Variants in SIAH1 observed in about 807,000 individuals in gnomAD.
SIAH1 encodes the protein E3 ubiquitin-protein ligase SIAH1.
SIAH1 carries 2 observed loss-of-function variants against 20.0 expected under a neutral mutation model. The observed-to-expected ratio is 0.10, with a 90% CI of 0.04 to 0.31. The LOEUF is 0.31. SIAH1 is among the 10% of genes least tolerant of loss of function. The pLI is 1.00. For missense variants in SIAH1, 119 were observed against 355.3 expected, an observed-to-expected ratio of 0.33 and a Z score of 5.35; for synonymous variants, 118 against 125.3, an observed-to-expected ratio of 0.94 and a Z score of 0.39.
intron 1 of SIAH1, among the ~76,000 whole-genome samples, chr16:48,368,707 C>A (rs1292042277): frequency 6.6e-6 from 1 of 151,940 alleles, no homozygotes; most frequent in Non-Finnish European, 1.5e-5. Context: ...CCACTGCATG[C>A]ACTCCAGCCT....
chr16:48,382,345 C>T (rs1323360545), intron 1 of SIAH1, among the ~76,000 whole-genome samples: 1 of 152,040 alleles, frequency 6.6e-6, no homozygotes, highest in Non-Finnish European at 1.5e-5. Context: ...GACATCACCA[C>T]TGCACTCCAG....
intron 1 of SIAH1, among the ~76,000 whole-genome samples, chr16:48,374,576 G>A (rs1381803897): frequency 6.6e-6 from 1 of 152,112 alleles, no homozygotes; most frequent in Non-Finnish European, 1.5e-5. Context: ...CTGCATCTAG[G>A]AGAAAGGTAA....
upstream of SIAH1, among the ~76,000 whole-genome samples, chr16:48,385,783 A>G (rs1961449270): frequency 1.3e-5 from 2 of 151,196 alleles, no homozygotes; most frequent in African/African-American, 4.9e-5. Flanking sequence ...GCCCAGCGGG[A>G]TGCGAGCCCC....
intron 1 of SIAH1, chr16:48,365,713 G>A: frequency 2.8e-6 from 4 of 1,424,434 alleles, no homozygotes; most frequent in South Asian, 1.6e-5. Flanking sequence ...AAAAATGGGA[G>A]CCACAGCTGC....
chr16:48,361,563 A>C lies in SIAH1; in HGVS notation c.*17T>G. On this transcript the variant is annotated 3_prime_UTR_variant, in exon 2 of 2. Coordinates refer to ENST00000394725, the MANE Select transcript of SIAH1 (RefSeq NM_003031.4). ...CTGAAGTTTTAAACACTGGCCAGAA[A>C]ATGTTTGATTGCCATTTCAACACAT... The C allele has an allele frequency of 3.7e-6, 6 of 1,608,570 alleles. No homozygotes were observed. In the South Asian group the frequency reaches 6.6e-5, roughly 18 times the overall value.
At chr16:48,365,320 C>G in intron 1 of SIAH1, 1 of 1,554,350 alleles carries the variant, frequency 6.4e-7, no homozygotes, top group Non-Finnish European at 8.8e-7. Context: ...CTAAGCCAGG[C>G]AGGTTCCACT....
intron 1 of SIAH1, among the ~76,000 whole-genome samples, chr16:48,377,048 C>T (rs1030338623): frequency 6.6e-6 from 1 of 152,076 alleles, no homozygotes; most frequent in African/African-American, 2.4e-5. Flanking sequence ...CCAAGGTGGT[C>T]GATGTGACAC....
intron 1 of SIAH1, among the ~76,000 whole-genome samples, chr16:48,371,102 G>A (rs1202829270): frequency 1.7e-5 from 2 of 119,508 alleles, no homozygotes; most frequent in Non-Finnish European, 3.4e-5. Context: ...CAACAAGAGT[G>A]AAATTCCATC....
chr16:48,382,997 A>G (rs1448963240), intron 1 of SIAH1, among the ~76,000 whole-genome samples: 2 of 152,210 alleles, frequency 1.3e-5, no homozygotes, highest in African/African-American at 4.8e-5. Context: ...ATGCTTTTTA[A>G]TTACAGATAT....
At chr16:48,370,679 G>A (rs1240371957) in intron 1 of SIAH1, among the ~76,000 whole-genome samples, 2 of 151,958 alleles carry the variant, frequency 1.3e-5, no homozygotes, top group African/African-American at 2.4e-5. Context: ...GGTGGCGGGC[G>A]CCTGTAGTCC....
chr16:48,367,187 A>G (rs909989073), intron 1 of SIAH1, among the ~76,000 whole-genome samples: 3 of 152,234 alleles, frequency 2.0e-5, no homozygotes, highest in African/African-American at 4.8e-5. Flanking sequence ...TGCCCAGTCT[A>G]TATTTTTATT....
chr16:48,384,175 T>C (rs551783976), intron 1 of SIAH1, among the ~76,000 whole-genome samples: 5 of 152,316 alleles, frequency 3.3e-5, no homozygotes, highest in Non-Finnish European at 5.9e-5. Context: ...ACAGCCGCTA[T>C]AAGCAAAGGT....
At chr16:48,378,339 G>A (rs947597351) in intron 1 of SIAH1, among the ~76,000 whole-genome samples, 2 of 152,146 alleles carry the variant, frequency 1.3e-5, no homozygotes, top group Non-Finnish European at 2.9e-5. Flanking sequence ...GGCAACAAGA[G>A]TGAAACTTTG....
chr16:48,361,640 A>G lies in SIAH1; in HGVS notation c.789T>C (p.Ile263=), dbSNP rs955375539. 15 of 1,613,020 alleles carry G rather than the reference A, an allele frequency of 9.3e-6. No homozygotes were observed. Among genetic ancestry groups the G allele is most frequent in the Non-Finnish European group, 1.3e-5 (15 of 1,179,074 alleles). The change falls in exon 2 of 2, where the codon ATT becomes ATC. Residue 263 remains isoleucine, a synonymous_variant. Transcript: ENST00000394725. Reference sequence around the variant, plus strand: ...TGCCATTTTCTGCAAAAAGCTGTGCAATGCTGGTGTCAAAGACTAGACAGT... The same window carrying G: ...TGCCATTTTCTGCAAAAAGCTGTGCGATGCTGGTGTCAAAGACTAGACAGT... ...NSDCLVFDTS[I]AQLFAENGNL...
chr16:48,365,461 GT>G (rs774686668), intron 1 of SIAH1: 1 of 1,613,652 alleles, frequency 6.2e-7, no homozygotes. Context: ...AGAAGGTGGA[GT>G]AGCCTTTCCC....
At chr16:48,385,035 C>A (rs1196867600) in intron 1 of SIAH1, among the ~76,000 whole-genome samples, 169 bp downstream of exon 1, 1 of 148,300 alleles carries the variant, frequency 6.7e-6, no homozygotes, top group African/African-American at 2.4e-5. Flanking sequence ...GGGGGCGGCG[C>A]TCGACCGGGC....
intron 1 of SIAH1, among the ~76,000 whole-genome samples, chr16:48,380,493 A>G (rs905432420): frequency 3.3e-5 from 5 of 152,038 alleles, no homozygotes; most frequent in South Asian, 2.1e-4. Context: ...ACCAATAACA[A>G]AACAACCCAA....
At chr16:48,368,559 A>G (rs1960902955) in intron 1 of SIAH1, among the ~76,000 whole-genome samples, 1 of 152,154 alleles carries the variant, frequency 6.6e-6, no homozygotes, top group South Asian at 2.1e-4. Context: ...TTAGCCGGGC[A>G]TGGTGGCGTG....
intron 1 of SIAH1, among the ~76,000 whole-genome samples, chr16:48,366,226 C>T (rs1408789406): frequency 6.6e-6 from 1 of 152,154 alleles, no homozygotes; most frequent in Non-Finnish European, 1.5e-5. Flanking sequence ...CTTATGGTTT[C>T]GATCTAAGAG....
Sources: gnomAD v4.1 joint callset for allele counts (sites outside exome capture counted in the v4.1 genomes callset) on GRCh38, gnomAD v4.1.1 for gene constraint, MANE v1.5 for transcripts, NCBI Gene and HGNC (gene_info 2026-07-23, HGNC 2026-07-21) for gene names.